Variants in FSTL5 observed in about 807,000 individuals in gnomAD.
FSTL5 encodes the protein follistatin-related protein 5.
A neutral mutation model predicts 89.1 loss-of-function variants in FSTL5; 62 were observed. That is an observed-to-expected ratio of 0.70 (90% CI 0.57 to 0.86). The LOEUF (loss-of-function observed/expected upper bound fraction) is 0.86, where lower values mean the gene tolerates loss of function less well. FSTL5 is among the 40% of genes least tolerant of loss of function. FSTL5 has a pLI of 0.00. For synonymous variants in FSTL5, 383 were observed against 346.2 expected (o/e 1.11, Z -1.18); for missense variants, 1,057 against 1,001.6 (o/e 1.06, Z -0.75).
intron 8 of FSTL5, among the ~76,000 whole-genome samples, chr4:161,559,029 C>T (rs1440104707): frequency 6.6e-6 from 1 of 151,770 alleles, no homozygotes; most frequent in Non-Finnish European, 1.5e-5. Context: ...TTCATACTGC[C>T]GACAAAGTTA....
Position 161,975,952 on chromosome 4 carries a change from A to G in FSTL5, c.161-55300T>C, listed in dbSNP as rs559836457. 3.7e-5 allele frequency among the ~76,000 whole-genome samples: 5 copies of G among 134,458 alleles called. No individual in the cohort carries two copies. The East Asian group carries it at 1.1e-3, about 29-fold the overall frequency. The allele number at this position is 134,458 out of a possible 152,430, so 88.2% of individuals were successfully genotyped here. A position where few individuals can be genotyped will look rare whatever the true frequency, so the allele number is the denominator to read the frequency against. On this transcript the variant is annotated intron_variant, in intron 3 of 15. Coordinates refer to ENST00000306100, the MANE Select transcript of FSTL5 (RefSeq NM_020116.5). ...AACACCATGAAACCCCGTCTCTACT[A>G]AAAATACAAAAAAAAATTAGCCAGG...
At chr4:161,600,297 C>CA (rs569690111) in intron 7 of FSTL5, among the ~76,000 whole-genome samples, 100 of 150,432 alleles carry the variant, frequency 6.6e-4, no homozygotes, top group African/African-American at 2.3e-3. Context: ...CGAAGAGCAG[C>CA]AAAAAAAGGG....
At chr4:161,535,478 G>A (rs1344867888) in intron 10 of FSTL5, among the ~76,000 whole-genome samples, 1 of 152,006 alleles carries the variant, frequency 6.6e-6, no homozygotes, top group Non-Finnish European at 1.5e-5. Flanking sequence ...TATGAAAAAT[G>A]CTCCACGTCA....
intron 7 of FSTL5, among the ~76,000 whole-genome samples, chr4:161,636,731 C>T (rs1735731176): frequency 6.7e-6 from 1 of 148,156 alleles, no homozygotes; most frequent in African/African-American, 2.6e-5. Context: ...TTTGTTCCTG[C>T]AATAGTTTAC....
intron 4 of FSTL5, among the ~76,000 whole-genome samples, chr4:161,863,293 T>C (rs1731975224): frequency 6.6e-6 from 1 of 152,228 alleles, no homozygotes; most frequent in Non-Finnish European, 1.5e-5. Context: ...ACAGAAGACC[T>C]TGGGTTGCCA....
chr4:162,012,557 T>A (rs1338639613), intron 3 of FSTL5, among the ~76,000 whole-genome samples: 1 of 152,078 alleles, frequency 6.6e-6, no homozygotes, highest in Non-Finnish European at 1.5e-5. Flanking sequence ...TATGGAAAAA[T>A]TTTAAGTAAA....
At chr4:161,703,797 G>A (rs1330813711) in intron 6 of FSTL5, among the ~76,000 whole-genome samples, 1 of 151,902 alleles carries the variant, frequency 6.6e-6, no homozygotes, top group African/African-American at 2.4e-5. Flanking sequence ...ATAATATTGG[G>A]ACTTATGATA....
intron 4 of FSTL5, among the ~76,000 whole-genome samples, chr4:161,865,449 ACAAT>A (rs1236086270): frequency 6.6e-6 from 1 of 152,210 alleles, no homozygotes; most frequent in Non-Finnish European, 1.5e-5. Context: ...ATATAAACAT[ACAAT>A]CAGTGATGTG....
chr4:161,401,528 A>G (rs982281035), intron 15 of FSTL5, among the ~76,000 whole-genome samples: 4 of 151,968 alleles, frequency 2.6e-5, no homozygotes, highest in African/African-American at 9.7e-5. Context: ...ATTTTTTATT[A>G]TTGATTTATT....
At chr4:161,480,918 A>AAAC in intron 13 of FSTL5, 102 bp downstream of exon 13, 1 of 748,552 alleles carries the variant, frequency 1.3e-6, no homozygotes, top group Non-Finnish European at 2.1e-6. Context: ...CCAAGTAAGG[A>AAAC]AACACATTAT....
chr4:161,884,730 T>C (rs1229303432), intron 4 of FSTL5, among the ~76,000 whole-genome samples: 2 of 152,206 alleles, frequency 1.3e-5, no homozygotes, highest in East Asian at 3.8e-4. Context: ...TTTAATATTA[T>C]GGCAGTTATA....
Position 162,033,656 on chromosome 4 carries a change from CT to C in FSTL5, c.128del (p.Gln43ArgfsTer14). On this transcript the variant is annotated frameshift_variant and splice_region_variant, in exon 3 of 16. Coordinates refer to ENST00000306100, the MANE Select transcript of FSTL5 (RefSeq NM_020116.5). LOFTEE classifies it high-confidence loss of function. ...YQPLMRLRHKQEKNQESSRVK... is the reference protein window; with the variant it reads ...YQPLMRLRHKXEKNQESSRVK... ...CTCTTGAACTTTCTTGATTTTTTTC[CT>C]GCTGGAAATAAAACAGAAAATAGGT... 6.7e-7 allele frequency: 1 copy of C among 1,492,208 alleles called. No individual in the cohort carries two copies. The highest frequency in any genetic ancestry group is 9.2e-7 in the Non-Finnish European group (1 of 1,088,774). The allele number at this position is 1,492,208 out of a possible 1,614,324, so 92.4% of individuals were successfully genotyped here.
intron 4 of FSTL5, among the ~76,000 whole-genome samples, chr4:161,785,001 T>A (rs116374163): frequency 6.6e-6 from 1 of 152,252 alleles, no homozygotes; most frequent in African/African-American, 2.4e-5. Context: ...GTAATCACAT[T>A]GCTGGCACTG....
chr4:161,828,510 A>G (rs1188077172), intron 4 of FSTL5, among the ~76,000 whole-genome samples: 1 of 152,114 alleles, frequency 6.6e-6, no homozygotes, highest in Non-Finnish European at 1.5e-5. Flanking sequence ...TAGTCTGATA[A>G]GTTCTTTGGG....
intron 3 of FSTL5, among the ~76,000 whole-genome samples, chr4:161,988,081 A>G (rs1736016644): frequency 6.6e-6 from 1 of 151,814 alleles, no homozygotes; most frequent in South Asian, 2.1e-4. Flanking sequence ...AAAAACAGAG[A>G]AAAGTAATGG....
At chr4:161,668,839 C>T (rs538373722) in intron 6 of FSTL5, among the ~76,000 whole-genome samples, 58 of 152,058 alleles carry the variant, frequency 3.8e-4, no homozygotes, top group African/African-American at 1.3e-3. Context: ...AGGCTGGGCG[C>T]GGTGGCTCAC....
intron 9 of FSTL5, among the ~76,000 whole-genome samples, chr4:161,538,924 G>A (rs376169629): frequency 2.0e-5 from 3 of 151,564 alleles, no homozygotes; most frequent in East Asian, 2.0e-4. Flanking sequence ...GCGCCACCCC[G>A]GGCTAATTTT....
intron 9 of FSTL5, among the ~76,000 whole-genome samples, chr4:161,540,443 G>A (rs926223244): frequency 2.6e-5 from 4 of 151,930 alleles, no homozygotes; most frequent in African/African-American, 9.7e-5. Context: ...TCTTTCAATC[G>A]TGAGGTAAAT....
At chr4:161,851,892 T>TACAC (rs140056514) in intron 4 of FSTL5, among the ~76,000 whole-genome samples, 2,403 of 149,228 alleles carry the variant, frequency 0.016, 58 homozygotes, top group African/African-American at 0.047. Flanking sequence ...ATCTCATCCC[T>TACAC]ACACACACAC....
Sources: allele counts gnomAD v4.1 joint callset (sites outside exome capture counted in the v4.1 genomes callset), GRCh38; gene constraint gnomAD v4.1.1; transcripts MANE v1.5; gene names NCBI Gene and HGNC (gene_info 2026-07-23, HGNC 2026-07-21).